DRC11: variants seen among roughly 807,000 people sequenced by gnomAD.
The protein encoded by DRC11 is IQ and AAA domain-containing protein 1.
At chr2:236,395,496 A>T in the DRC11 span, among the ~76,000 whole-genome samples, 1 of 152,222 alleles carries the variant, frequency 6.6e-6, no homozygotes, top group Non-Finnish European at 1.5e-5. Flanking sequence ...TTTTGTGGTT[A>T]GCTTGTAGGA....
the DRC11 span, among the ~76,000 whole-genome samples, chr2:236,309,047 C>T: frequency 6.6e-6 from 1 of 152,136 alleles, no homozygotes; most frequent in African/African-American, 2.4e-5. The surrounding 1 kb of genome is among the most constrained non-coding windows in gnomAD (Gnocchi z 5.7). Context: ...TGATGAGAAG[C>T]CAAGAGAAAA....
the DRC11 span, among the ~76,000 whole-genome samples, chr2:236,381,606 C>T: frequency 1.3e-5 from 2 of 152,260 alleles, no homozygotes; most frequent in Non-Finnish European, 2.9e-5. This position sits in a 1 kb window ranked among gnomAD's most constrained non-coding sequence, Gnocchi z 5.8. Flanking sequence ...TCTAGCCCCA[C>T]ATCTGGAGCC....
chr2:236,441,571 C>T, the DRC11 span, among the ~76,000 whole-genome samples: 12 of 152,120 alleles, frequency 7.9e-5, no homozygotes, highest in Admixed American at 7.2e-4. Context: ...AAATCTGAGG[C>T]CCTATGTTTT....
the DRC11 span, among the ~76,000 whole-genome samples, chr2:236,458,754 GA>G: frequency 1.3e-5 from 2 of 150,590 alleles, no homozygotes; most frequent in South Asian, 2.1e-4. Flanking sequence ...AAGTCAGTTA[GA>G]AAAAAAAAGG....
the DRC11 span, among the ~76,000 whole-genome samples, chr2:236,359,100 A>T: frequency 6.6e-6 from 1 of 151,906 alleles, no homozygotes. The surrounding 1 kb of genome is among the most constrained non-coding windows in gnomAD (Gnocchi z 4.3). Flanking sequence ...GCAGGGAAGG[A>T]GGCTGGAGCA....
At chr2:236,477,530 C>T in the DRC11 span, among the ~76,000 whole-genome samples, 1 of 152,086 alleles carries the variant, frequency 6.6e-6, no homozygotes, top group African/African-American at 2.4e-5. Context: ...ATAAGTGGGC[C>T]CATGCAGTTC....
chr2:236,489,164 G>C, the DRC11 span, among the ~76,000 whole-genome samples: 3 of 145,294 alleles, frequency 2.1e-5, no homozygotes, highest in African/African-American at 7.8e-5. Flanking sequence ...GTGCATGCTG[G>C]GGCCTGTGTG....
chr2:236,364,605 C>T, the DRC11 span, among the ~76,000 whole-genome samples: 3 of 152,150 alleles, frequency 2.0e-5, no homozygotes, highest in East Asian at 5.8e-4. Flanking sequence ...GCCGTGTTCT[C>T]CACCACACTG....
At chr2:236,457,857 C>A in the DRC11 span, among the ~76,000 whole-genome samples, 4 of 152,178 alleles carry the variant, frequency 2.6e-5, no homozygotes, top group Non-Finnish European at 5.9e-5. This position sits in a 1 kb window ranked among gnomAD's most constrained non-coding sequence, Gnocchi z 4.7. Flanking sequence ...ATGTCAGTCT[C>A]CTGACCTGTG....
the DRC11 span, among the ~76,000 whole-genome samples, chr2:236,344,058 G>T: frequency 6.6e-6 from 1 of 151,768 alleles, no homozygotes; most frequent in East Asian, 1.9e-4. Flanking sequence ...CTGGTGATTT[G>T]TGGGGGGAAG....
the DRC11 span, among the ~76,000 whole-genome samples, chr2:236,361,170 C>T: frequency 6.6e-6 from 1 of 152,060 alleles, no homozygotes; most frequent in Non-Finnish European, 1.5e-5. The surrounding 1 kb of genome is among the most constrained non-coding windows in gnomAD (Gnocchi z 5.7). Flanking sequence ...TAGAGAACTA[C>T]AGCAGAGAAA....
At chr2:236,384,871 C>G in the DRC11 span, among the ~76,000 whole-genome samples, 4 of 151,884 alleles carry the variant, frequency 2.6e-5, no homozygotes, top group Non-Finnish European at 4.4e-5. Context: ...TTTCAGCTTT[C>G]TACATATGGC....
At chr2:236,482,500 T>G in the DRC11 span, among the ~76,000 whole-genome samples, 1 of 152,218 alleles carries the variant, frequency 6.6e-6, no homozygotes, top group Admixed American at 6.5e-5. This position sits in a 1 kb window ranked among gnomAD's most constrained non-coding sequence, Gnocchi z 4.5. Context: ...TTTAACTCCT[T>G]GTGTTAAGAA....
the DRC11 span, among the ~76,000 whole-genome samples, chr2:236,496,533 G>A: frequency 1.4e-4 from 21 of 152,196 alleles, no homozygotes; most frequent in African/African-American, 4.8e-4. This position sits in a 1 kb window ranked among gnomAD's most constrained non-coding sequence, Gnocchi z 6.3. Context: ...GAACGTCGGA[G>A]GGCAGCAGCA....
chr2:236,470,251 G>A, the DRC11 span, among the ~76,000 whole-genome samples: 1 of 152,194 alleles, frequency 6.6e-6, no homozygotes, highest in South Asian at 2.1e-4. This position sits in a 1 kb window ranked among gnomAD's most constrained non-coding sequence, Gnocchi z 5.1. Flanking sequence ...GCAAATAAGT[G>A]ACTGAATGCT....
At chr2:236,452,144 A>G in the DRC11 span, among the ~76,000 whole-genome samples, 2 of 152,236 alleles carry the variant, frequency 1.3e-5, no homozygotes, top group Non-Finnish European at 2.9e-5. This position sits in a 1 kb window ranked among gnomAD's most constrained non-coding sequence, Gnocchi z 4.7. Flanking sequence ...TATGCCTGCT[A>G]TCTTTCAGTT....
chr2:236,368,389 A>G, the DRC11 span: 1 of 691,356 alleles, frequency 1.4e-6, no homozygotes, highest in East Asian at 2.7e-5. Flanking sequence ...ACGATCGGAG[A>G]ATACAAATTG....
the DRC11 span, among the ~76,000 whole-genome samples, chr2:236,420,884 G>A: frequency 6.6e-6 from 1 of 152,148 alleles, no homozygotes; most frequent in Non-Finnish European, 1.5e-5. This position sits in a 1 kb window ranked among gnomAD's most constrained non-coding sequence, Gnocchi z 4.8. Context: ...GGTCTTCATT[G>A]TACTGGAGCA....
the DRC11 span, among the ~76,000 whole-genome samples, chr2:236,485,611 C>A: frequency 6.6e-6 from 1 of 152,196 alleles, no homozygotes; most frequent in Non-Finnish European, 1.5e-5. Flanking sequence ...CTTCTCTGGT[C>A]ATAATGAGCT....
Sources: allele counts gnomAD v4.1 joint callset (sites outside exome capture counted in the v4.1 genomes callset), GRCh38; gene constraint gnomAD v4.1.1; non-coding constraint Gnocchi (gnomAD v3.1); transcripts MANE v1.5; gene names NCBI Gene and HGNC (gene_info 2026-07-23, HGNC 2026-07-21).